The following KCNMA1 variants were observed in gnomAD, a reference collection of about 807,000 sequenced individuals.
The protein encoded by KCNMA1 is potassium calcium-activated channel subfamily M alpha 1, also known as Calcium-activated potassium channel subunit alpha-1.
In KCNMA1, 29 loss-of-function variants were observed where a neutral mutation model predicts 140.0. The observed-to-expected ratio is 0.21, with a 90% confidence interval of 0.15 to 0.28. KCNMA1 has a LOEUF of 0.28. Among genes scored for constraint, KCNMA1 ranks in the 10% least tolerant of loss-of-function variants. The pLI is 1.00. For synonymous variants in KCNMA1, 612 were observed against 611.9 expected, an observed-to-expected ratio of 1.00 and a Z score of 0.00; for missense variants, 880 against 1,602.2, an observed-to-expected ratio of 0.55 and a Z score of 7.70.
chr10:76,879,817 TTAAAC>T (rs1376854254), intron 29 of KCNMA1, among the ~76,000 whole-genome samples: 1 of 152,222 alleles, frequency 6.6e-6, no homozygotes, highest in Non-Finnish European at 1.5e-5. Context: ...TGATCTACGA[TTAAAC>T]TAACCTTTCA....
At chr10:77,303,144 G>A (rs924354935) in intron 2 of KCNMA1, among the ~76,000 whole-genome samples, 19 of 152,252 alleles carry the variant, frequency 1.2e-4, no homozygotes, top group South Asian at 8.3e-4. Flanking sequence ...GCTCATTTAC[G>A]ATGGCATTTA....
intron 16 of KCNMA1, chr10:77,023,055 G>C (rs2093036784): frequency 5.1e-6 from 2 of 389,588 alleles, no homozygotes; most frequent in Non-Finnish European, 1.0e-5. Context: ...GTCCCGCAGG[G>C]AAATGCCTCT....
At chr10:76,985,073 T>C (rs191324968) in intron 19 of KCNMA1, among the ~76,000 whole-genome samples, 1 of 152,318 alleles carries the variant, frequency 6.6e-6, no homozygotes, top group African/African-American at 2.4e-5. Context: ...TATGCATAAA[T>C]ACACAGCAGT....
At chr10:77,223,694 G>A (rs973872497) in intron 3 of KCNMA1, among the ~76,000 whole-genome samples, 4 of 152,068 alleles carry the variant, frequency 2.6e-5, no homozygotes, top group African/African-American at 9.7e-5. Context: ...TCAATTGTGG[G>A]GCACTGTCCT....
intron 5 of KCNMA1, among the ~76,000 whole-genome samples, chr10:77,168,033 A>G (rs2098663094): frequency 6.6e-6 from 1 of 152,206 alleles, no homozygotes; most frequent in Admixed American, 6.5e-5. Context: ...TAGCCTATTT[A>G]TAACATAGGC....
chr10:77,309,317 A>G (rs1602029407), intron 2 of KCNMA1, among the ~76,000 whole-genome samples: 1 of 152,236 alleles, frequency 6.6e-6, no homozygotes, highest in African/African-American at 2.4e-5. Context: ...GTCTCTATAT[A>G]CCAGGTGCTT....
At chr10:77,311,340 T>C (rs184707441) in intron 2 of KCNMA1, among the ~76,000 whole-genome samples, 3 of 152,010 alleles carry the variant, frequency 2.0e-5, no homozygotes, top group Admixed American at 6.5e-5. Context: ...CCACAGCCAG[T>C]TGGGGAGAGC....
intron 5 of KCNMA1, among the ~76,000 whole-genome samples, chr10:77,177,672 G>A (rs1348632491): frequency 6.6e-6 from 1 of 151,896 alleles, no homozygotes; most frequent in Non-Finnish European, 1.5e-5. Flanking sequence ...CACATACTAG[G>A]CTTCATTCTC....
chr10:77,403,717 C>T, intron 2 of KCNMA1, 145 bp downstream of exon 2: 1 of 719,388 alleles, frequency 1.4e-6, no homozygotes, highest in Non-Finnish European at 2.3e-6. Context: ...TCCTCCATGA[C>T]CACGCGGGAG....
chr10:77,431,363 A>T (rs2097148138), intron 1 of KCNMA1, among the ~76,000 whole-genome samples: 1 of 152,226 alleles, frequency 6.6e-6, no homozygotes, highest in Non-Finnish European at 1.5e-5. Flanking sequence ...ATTGAAATGT[A>T]ATCATACCTT....
chr10:77,323,349 T>C (rs926624455), intron 2 of KCNMA1, among the ~76,000 whole-genome samples: 1 of 152,194 alleles, frequency 6.6e-6, no homozygotes, highest in South Asian at 2.1e-4. Flanking sequence ...TAGTGACAAG[T>C]GGAAGTCCAT....
intron 1 of KCNMA1, among the ~76,000 whole-genome samples, chr10:77,513,428 C>G (rs577527123): frequency 6.6e-6 from 1 of 152,196 alleles, no homozygotes; most frequent in African/African-American, 2.4e-5. Flanking sequence ...CCGTAGCTAT[C>G]GAATGCACTG....
intron 1 of KCNMA1, among the ~76,000 whole-genome samples, chr10:77,491,047 A>T (rs1336789245): frequency 1.3e-5 from 2 of 152,210 alleles, no homozygotes; most frequent in Non-Finnish European, 2.9e-5. Context: ...CATTTCAAAG[A>T]TGGAGACACT....
intron 2 of KCNMA1, among the ~76,000 whole-genome samples, chr10:77,312,620 T>A (rs1263861990): frequency 6.6e-6 from 1 of 152,152 alleles, no homozygotes; most frequent in East Asian, 1.9e-4. Context: ...AGCGAGATTC[T>A]GTCTCAAAAA....
chr10:77,598,208 T>C (rs1005730724), intron 1 of KCNMA1, among the ~76,000 whole-genome samples: 1 of 152,138 alleles, frequency 6.6e-6, no homozygotes, highest in Non-Finnish European at 1.5e-5. Flanking sequence ...TGACCTCAAG[T>C]GATCCGCCCA....
chr10:76,955,684 G>T (rs1409803497), intron 20 of KCNMA1, among the ~76,000 whole-genome samples: 1 of 152,156 alleles, frequency 6.6e-6, no homozygotes, highest in Non-Finnish European at 1.5e-5. Context: ...AGATAAAAAG[G>T]CTGATAAGAA....
intron 19 of KCNMA1, among the ~76,000 whole-genome samples, chr10:76,999,702 A>C (rs146965964): frequency 1.9e-3 from 289 of 152,312 alleles, no homozygotes; most frequent in African/African-American, 6.2e-3. Flanking sequence ...TGTAACAGAA[A>C]TCTTTCCAAG....
In KCNMA1 at chr10:77,123,288, G is replaced by T. The variant is rs188515949; in HGVS notation, c.809-2240C>A. Among the ~76,000 whole-genome samples the T allele has an allele frequency of 2.9e-3, 434 of 147,802 alleles. 1 individual carries two copies. Among genetic ancestry groups the T allele is most frequent in the Non-Finnish European group, 4.4e-3 (299 of 67,390 alleles). ...ATTTGACCCAAGATTTTTATACCCA[G>T]TCAAGTGGTTGTTCAAGAATAAAAG... On this transcript the variant is annotated intron_variant, in intron 5 of 27. Coordinates refer to ENST00000286628, the MANE Select transcript of KCNMA1 (RefSeq NM_001161352.2).
At chr10:76,978,177 C>T (rs1384626127) in intron 19 of KCNMA1, among the ~76,000 whole-genome samples, 7 of 152,190 alleles carry the variant, frequency 4.6e-5, no homozygotes, top group South Asian at 4.1e-4. Context: ...ATGATCCAGA[C>T]GGCTGCTGTC....
Sources: allele counts gnomAD v4.1 joint callset (sites outside exome capture counted in the v4.1 genomes callset), GRCh38; gene constraint gnomAD v4.1.1; transcripts MANE v1.5; gene names NCBI Gene and HGNC (gene_info 2026-07-23, HGNC 2026-07-21).